CD86: variants seen among roughly 807,000 people sequenced by gnomAD.
CD86 encodes the protein CD86 molecule.
A neutral mutation model predicts 32.1 loss-of-function variants in CD86; 11 were observed. The ratio of observed to expected loss-of-function variants is 0.34; its 90% CI spans 0.22 to 0.57. The LOEUF (loss-of-function observed/expected upper bound fraction) is 0.57, where lower values mean the gene tolerates loss of function less well. Ranked by LOEUF, CD86 falls within the 20% of genes least tolerant of loss-of-function variation. The pLI, the probability that CD86 is intolerant of heterozygous loss-of-function variation, is 0.86. For missense variants in CD86, 359 were observed against 398.4 expected, an observed-to-expected ratio of 0.90 and a Z score of 0.84; for synonymous variants, 137 against 135.3, an observed-to-expected ratio of 1.01 and a Z score of -0.09.
chr3:122,103,551 C>G lies in CD86; in HGVS notation c.104C>G (p.Thr35Ser). Residue 35 changes from threonine to serine, a missense_variant, in exon 3 of 7, where the codon ACT becomes AGT. Thr to Ser is a moderately conservative substitution (Grantham distance 58). Coordinates refer to ENST00000330540, the MANE Select transcript of CD86 (RefSeq NM_175862.5). ...AAGATTCAAGCTTATTTCAATGAGACTGCAGACCTGCCATGCCAATTTGCA... is the reference window on the plus strand; with the variant it reads ...AAGATTCAAGCTTATTTCAATGAGAGTGCAGACCTGCCATGCCAATTTGCA... ...PLKIQAYFNETADLPCQFANS... is the reference protein window; with the variant it reads ...PLKIQAYFNESADLPCQFANS... 6.2e-7 allele frequency: 1 copy of G among 1,613,652 alleles called. No homozygotes were observed. The highest frequency in any genetic ancestry group is 8.5e-7 in the Non-Finnish European group (1 of 1,179,734).
chr3:122,057,351 G>T (rs979988346), intron 1 of CD86, among the ~76,000 whole-genome samples: 6 of 152,042 alleles, frequency 3.9e-5, no homozygotes, highest in Non-Finnish European at 8.8e-5. Context: ...AACAATTTAC[G>T]TGTTTAAAAA....
rs199530326 is a variant in CD86 at position 122,055,462 on chromosome 3, A to G, written c.-28A>G. Reference sequence around the variant, plus strand: ...CACGGATGAGTGGGGTCATTTCCAGATATTAGGTCACAGCAGAAGCAGCCA... The same window carrying G: ...CACGGATGAGTGGGGTCATTTCCAGGTATTAGGTCACAGCAGAAGCAGCCA... On this transcript the variant is annotated 5_prime_UTR_variant, in exon 1 of 7. Transcript: ENST00000330540. The G allele has an allele frequency of 1.3e-4, 204 of 1,612,388 alleles. No individual in the cohort carries two copies. Among genetic ancestry groups the G allele is most frequent in the Non-Finnish European group, 1.6e-4 (188 of 1,178,360 alleles).
At chr3:122,083,454 T>C (rs1482477722) in intron 1 of CD86, among the ~76,000 whole-genome samples, 11 of 152,282 alleles carry the variant, frequency 7.2e-5, no homozygotes, top group Non-Finnish European at 1.2e-4. Context: ...CCGAGAACTC[T>C]TCCTGTCAAC....
At chr3:122,069,680 C>T (rs573676966) in intron 1 of CD86, among the ~76,000 whole-genome samples, 5 of 152,264 alleles carry the variant, frequency 3.3e-5, no homozygotes, top group East Asian at 3.9e-4. Flanking sequence ...CCAGGTTACC[C>T]CTGGCCCCTG....
intron 1 of CD86, among the ~76,000 whole-genome samples, chr3:122,065,038 A>G (rs2072393980): frequency 6.6e-6 from 1 of 152,162 alleles, no homozygotes; most frequent in Non-Finnish European, 1.5e-5. Flanking sequence ...ATATGATCTC[A>G]TTTAATCATC....
chr3:122,091,827 A>G, intron 2 of CD86, 177 bp downstream of exon 2: 1 of 611,908 alleles, frequency 1.6e-6, no homozygotes, highest in East Asian at 2.7e-5. Flanking sequence ...GATTGAGAGC[A>G]GCTGATGGCA....
chr3:122,079,232 G>A, intron 1 of CD86, among the ~76,000 whole-genome samples: 1 of 152,184 alleles, frequency 6.6e-6, no homozygotes, highest in East Asian at 1.9e-4. Flanking sequence ...CTTTGCATTT[G>A]ATATTTTGGT....
chr3:122,075,426 C>T (rs935139208), intron 1 of CD86, among the ~76,000 whole-genome samples: 1 of 152,150 alleles, frequency 6.6e-6, no homozygotes, highest in South Asian at 2.1e-4. Flanking sequence ...TCTGGTAGTT[C>T]TAGAAAACAG....
intron 1 of CD86, among the ~76,000 whole-genome samples, chr3:122,067,790 G>A (rs2072435177): frequency 6.6e-6 from 1 of 152,180 alleles, no homozygotes; most frequent in African/African-American, 2.4e-5. Context: ...TCACATTGCT[G>A]AAGAGTAGAA....
intron 1 of CD86, among the ~76,000 whole-genome samples, chr3:122,090,721 G>A (rs982420067): frequency 3.9e-5 from 6 of 152,088 alleles, no homozygotes; most frequent in African/African-American, 1.4e-4. Flanking sequence ...AGCCTTTTTG[G>A]TGCTAGTTAG....
chr3:122,108,648 G>A lies in CD86; in HGVS notation c.704-617G>A, dbSNP rs189704476. On this transcript the variant is annotated intron_variant, in intron 4 of 6. Transcript: ENST00000330540. Reference sequence around the variant, plus strand: ...TCATGTAAGGAAGTAGTTCCTGAAGGCGTGAAGGTTCCTCAAGGCATGAAG... The same window carrying A: ...TCATGTAAGGAAGTAGTTCCTGAAGACGTGAAGGTTCCTCAAGGCATGAAG... Among the ~76,000 whole-genome samples the A allele has an allele frequency of 4.6e-5, 7 of 152,268 alleles. No individual in the cohort carries two copies. The East Asian group carries it at 1.4e-3, about 29-fold the overall frequency.
At chr3:122,069,910 G>A (rs2107506238) in intron 1 of CD86, among the ~76,000 whole-genome samples, 1 of 152,190 alleles carries the variant, frequency 6.6e-6, no homozygotes, top group East Asian at 1.9e-4. Context: ...CTTCCTCATT[G>A]CCCTTTCTGC....
chr3:122,103,917 C>A, intron 3 of CD86, 70 bp downstream of exon 3: 1 of 1,309,076 alleles, frequency 7.6e-7, no homozygotes, highest in Non-Finnish European at 1.1e-6. Context: ...GTTAGAAAAA[C>A]ACTGGAGGGG....
chr3:122,060,420 C>G (rs1378969053), intron 1 of CD86, among the ~76,000 whole-genome samples: 1 of 152,102 alleles, frequency 6.6e-6, no homozygotes. Context: ...GTAAACTCAC[C>G]TCTGCTGTCG....
At chr3:122,118,183 A>C in intron 6 of CD86, 90 bp downstream of exon 6, 1 of 1,081,162 alleles carries the variant, frequency 9.2e-7, no homozygotes. Context: ...ACATATGTTG[A>C]GACCTCAGCA....
chr3:122,105,000 C>T (rs2073069045), intron 3 of CD86, among the ~76,000 whole-genome samples: 1 of 152,130 alleles, frequency 6.6e-6, no homozygotes, highest in Admixed American at 6.5e-5. Flanking sequence ...CAGATCAACA[C>T]CTATTCTAAA....
chr3:122,061,907 C>T (rs1326283436), intron 1 of CD86, among the ~76,000 whole-genome samples: 2 of 152,120 alleles, frequency 1.3e-5, no homozygotes, highest in Non-Finnish European at 2.9e-5. Context: ...TTTATACCAG[C>T]TTTATTCATA....
intron 1 of CD86, among the ~76,000 whole-genome samples, chr3:122,075,003 A>G (rs751748564): frequency 3.9e-5 from 6 of 151,962 alleles, no homozygotes; most frequent in Admixed American, 1.3e-4. Context: ...CTCTGATGAC[A>G]TATGTGGGAG....
chr3:122,071,770 C>T (rs1475783550), intron 1 of CD86, among the ~76,000 whole-genome samples: 1 of 151,590 alleles, frequency 6.6e-6, no homozygotes, highest in Admixed American at 6.6e-5. Flanking sequence ...TATGTGTGCA[C>T]AATGTGCAGG....
Sources: gnomAD v4.1 joint callset for allele counts (sites outside exome capture counted in the v4.1 genomes callset) on GRCh38, gnomAD v4.1.1 for gene constraint, MANE v1.5 for transcripts, NCBI Gene and HGNC (gene_info 2026-07-23, HGNC 2026-07-21) for gene names.